Variants in BMPR2 observed in about 807,000 individuals in gnomAD.
BMPR2 encodes the protein bone morphogenetic protein receptor type-2.
Under a neutral mutation model 100.8 loss-of-function variants are expected in BMPR2, and 29 were observed. The ratio of observed to expected loss-of-function variants is 0.29; its 90% CI spans 0.21 to 0.39. The LOEUF (loss-of-function observed/expected upper bound fraction) is 0.39. Ranked by LOEUF, BMPR2 falls within the 10% of genes least tolerant of loss-of-function variation. The pLI, the probability that BMPR2 is intolerant of heterozygous loss-of-function variation, is 1.00. For synonymous variants in BMPR2, 382 were observed against 442.3 expected, an observed-to-expected ratio of 0.86 and a Z score of 1.71; for missense variants, 1,011 against 1,274.5, an observed-to-expected ratio of 0.79 and a Z score of 3.15.
At chr2:202,399,306 G>C (rs113110208) in intron 1 of BMPR2, among the ~76,000 whole-genome samples, 5 of 152,192 alleles carry the variant, frequency 3.3e-5, no homozygotes, top group African/African-American at 1.2e-4. Flanking sequence ...TAATCAGCCA[G>C]ATATGTGAAT....
At chr2:202,535,025 G>T (rs546853117) in intron 9 of BMPR2, among the ~76,000 whole-genome samples, 25 of 137,064 alleles carry the variant, frequency 1.8e-4, no homozygotes, top group Admixed American at 5.0e-4. Context: ...TCGGCTGGCC[G>T]GGCGGGTGGC....
chr2:202,461,860 C>T (rs376955852), intron 1 of BMPR2, among the ~76,000 whole-genome samples: 2 of 151,916 alleles, frequency 1.3e-5, no homozygotes, highest in East Asian at 3.9e-4. Flanking sequence ...TTTTTCTTAT[C>T]TTTTTAAAGG....
intron 1 of BMPR2, among the ~76,000 whole-genome samples, chr2:202,426,450 G>A (rs528454305): frequency 2.0e-5 from 3 of 151,512 alleles, no homozygotes; most frequent in East Asian, 3.9e-4. Context: ...GCGTGGTGGC[G>A]GGTGCTTGTA....
chr2:202,435,261 G>A, intron 1 of BMPR2, among the ~76,000 whole-genome samples: 1 of 146,918 alleles, frequency 6.8e-6, no homozygotes, highest in East Asian at 1.9e-4. Flanking sequence ...CTACTCCGGA[G>A]GCTAAGGCTG....
intron 1 of BMPR2, among the ~76,000 whole-genome samples, chr2:202,452,140 A>G (rs1008130113): frequency 2.0e-5 from 3 of 152,016 alleles, no homozygotes; most frequent in African/African-American, 7.2e-5. Context: ...TCCCCCAAAG[A>G]TTCCTTATGC....
chr2:202,488,965 T>C (rs1692841088), intron 3 of BMPR2, among the ~76,000 whole-genome samples: 1 of 151,990 alleles, frequency 6.6e-6, no homozygotes, highest in Non-Finnish European at 1.5e-5. Flanking sequence ...AGATACCTCA[T>C]ATAAGTGGAA....
intron 9 of BMPR2, among the ~76,000 whole-genome samples, chr2:202,534,012 CTT>C (rs1163168661): frequency 6.6e-6 from 1 of 151,936 alleles, no homozygotes; most frequent in Non-Finnish European, 1.5e-5. Context: ...TGGCCACTGT[CTT>C]TTAGGAGTAA....
intron 10 of BMPR2, among the ~76,000 whole-genome samples, chr2:202,552,408 T>G (rs1688495556): frequency 6.6e-6 from 1 of 152,214 alleles, no homozygotes; most frequent in African/African-American, 2.4e-5. Flanking sequence ...TGGCTATTGA[T>G]TGACATAACG....
intron 2 of BMPR2, among the ~76,000 whole-genome samples, chr2:202,465,896 T>C (rs527784737): frequency 8.3e-4 from 126 of 152,274 alleles, no homozygotes; most frequent in Middle Eastern, 3.4e-3. Context: ...CAATTTCATA[T>C]CCAGTTTTCT....
chr2:202,541,983 C>T (rs953457507), intron 9 of BMPR2, among the ~76,000 whole-genome samples: 3 of 151,714 alleles, frequency 2.0e-5, no homozygotes, highest in South Asian at 2.1e-4. Flanking sequence ...TGGTGGTGTG[C>T]GCCTGTAATC....
At chr2:202,444,875 G>T (rs1325631067) in intron 1 of BMPR2, among the ~76,000 whole-genome samples, 1 of 150,582 alleles carries the variant, frequency 6.6e-6, no homozygotes, top group Non-Finnish European at 1.5e-5. Context: ...TGCATCCTCC[G>T]CCTCCCGGGT....
chr2:202,454,027 A>T (rs542946850), intron 1 of BMPR2, among the ~76,000 whole-genome samples: 1 of 151,704 alleles, frequency 6.6e-6, no homozygotes, highest in African/African-American at 2.4e-5. Context: ...GACTAGGACC[A>T]CTCCCCATTT....
intron 3 of BMPR2, among the ~76,000 whole-genome samples, chr2:202,504,853 G>A (rs1229016638): frequency 1.3e-5 from 2 of 151,626 alleles, no homozygotes; most frequent in African/African-American, 2.4e-5. Context: ...CTAATTTTTT[G>A]TATTTTTAGT....
chr2:202,517,642 G>C (rs940361198), intron 5 of BMPR2, among the ~76,000 whole-genome samples: 1 of 151,606 alleles, frequency 6.6e-6, no homozygotes, highest in Admixed American at 6.6e-5. Flanking sequence ...GAGCCACCAC[G>C]CCCGGCCTCA....
Position 202,377,121 on chromosome 2 carries a change from C to T in BMPR2, c.-354C>T. On this transcript the variant is annotated 5_prime_UTR_variant, in exon 1 of 13. Transcript: ENST00000374580. The stretch of plus-strand genomic sequence containing the variant: ...CCTCCGCACCCTGGATATGTTTTCT[C>T]CCAGACCTGGATATTTTTTTGATAT... 2 of 583,280 alleles carry T rather than the reference C, an allele frequency of 3.4e-6. No homozygotes were observed. Among genetic ancestry groups the T allele is most frequent in the East Asian group, 2.9e-5 (1 of 35,056 alleles). 36.1% of individuals were successfully genotyped at this position (583,280 alleles called of 1,614,324 possible).
Position 202,559,929 on chromosome 2 carries a change from G to A in BMPR2, c.3100G>A (p.Gly1034Arg). 1.2e-6 allele frequency: 2 copies of A among 1,614,000 alleles called. No individual in the cohort carries two copies. The highest frequency in any genetic ancestry group is 8.5e-7 in the Non-Finnish European group (1 of 1,179,992). ...TATTMVSKDI[G>R]MNCL ...TACAACCATGGTGTCTAAAGATATAGGAATGAACTGTCTGTGAAATGTTTT... is the reference window on the plus strand; with the variant it reads ...TACAACCATGGTGTCTAAAGATATAAGAATGAACTGTCTGTGAAATGTTTT... Residue 1034 changes from glycine (G) to arginine (R), a missense_variant, in exon 13 of 13, where the codon GGA becomes AGA. This residue lies in a region of BMPR2 where 58 missense variants were observed against 72.3 expected (regional missense o/e 0.80). Transcript: ENST00000374580.
At chr2:202,417,501 C>T (rs894826882) in intron 1 of BMPR2, among the ~76,000 whole-genome samples, 4 of 151,984 alleles carry the variant, frequency 2.6e-5, no homozygotes, top group Non-Finnish European at 5.9e-5. Flanking sequence ...CAGGGTTTCT[C>T]CATGTTGGTT....
chr2:202,413,086 C>T (rs1017671149), intron 1 of BMPR2, among the ~76,000 whole-genome samples: 1 of 152,164 alleles, frequency 6.6e-6, no homozygotes, highest in Non-Finnish European at 1.5e-5. Flanking sequence ...ATGTAAGTCA[C>T]CTGATGCACA....
intron 3 of BMPR2, among the ~76,000 whole-genome samples, chr2:202,504,776 T>G (rs1445423505): frequency 2.0e-5 from 3 of 148,128 alleles, no homozygotes; most frequent in Non-Finnish European, 4.4e-5. Flanking sequence ...ACCCTTCGAG[T>G]TCAAGCGATT....
Sources: gnomAD v4.1 joint callset for allele counts (sites outside exome capture counted in the v4.1 genomes callset) on GRCh38, gnomAD v4.1.1 for gene constraint, gnomAD v4.1.1 regional missense constraint, MANE v1.5 for transcripts, NCBI Gene and HGNC (gene_info 2026-07-23, HGNC 2026-07-21) for gene names.